Variants in MYOM1 observed in about 807,000 individuals in gnomAD.
MYOM1 encodes the protein myomesin-1.
Under a neutral mutation model 205.3 loss-of-function variants are expected in MYOM1, and 164 were observed. That is an observed-to-expected ratio of 0.80 (90% confidence interval 0.70 to 0.91). The LOEUF is 0.91. Ranked by LOEUF, MYOM1 falls within the 40% of genes least tolerant of loss-of-function variation. The pLI, the probability that MYOM1 is intolerant of heterozygous loss-of-function variation, is 0.00. For synonymous variants in MYOM1, 772 were observed against 789.4 expected (o/e 0.98, Z 0.37); for missense variants, 2,011 against 2,127.3 (o/e 0.95, Z 1.08).
Position 3,100,371 on chromosome 18 carries a change from C to T in MYOM1, c.3631G>A (p.Asp1211Asn), listed in dbSNP as rs375099753. 4.2e-5 allele frequency: 68 copies of T among 1,613,796 alleles called. No homozygotes were observed. The highest frequency in any genetic ancestry group is 5.2e-5 in the Non-Finnish European group (61 of 1,179,852). The stretch of plus-strand genomic sequence containing the variant: ...GCTATTCCATCAGTGTCTGTTACAT[C>T]GCAAGAGTAAATACCCAAGTCATCC... The part of the protein sequence containing the change: ...GMDDLGIYSC[D>N]VTDTDGIASS... The change falls in exon 24 of 38, where the codon GAT becomes AAT. Residue 1211 changes from aspartate (D) to asparagine (N), a missense_variant. Transcript: ENST00000356443.
chr18:3,120,222 G>GT (rs2079668303), intron 19 of MYOM1, among the ~76,000 whole-genome samples: 1 of 152,120 alleles, frequency 6.6e-6, no homozygotes, highest in South Asian at 2.1e-4. Context: ...CTGTGATTGT[G>GT]TCACCCCATA....
chr18:3,168,330 C>T (rs1452561100), intron 9 of MYOM1, among the ~76,000 whole-genome samples: 1 of 152,146 alleles, frequency 6.6e-6, no homozygotes, highest in East Asian at 1.9e-4. Context: ...CTCTCCGTCG[C>T]CCAGGCGGAG....
intron 2 of MYOM1, among the ~76,000 whole-genome samples, chr18:3,212,089 G>A (rs1486237662): frequency 1.3e-5 from 2 of 152,156 alleles, no homozygotes; most frequent in East Asian, 3.8e-4. Context: ...AAAAAAGAAA[G>A]ACTAAAATAC....
At chr18:3,197,741 C>A (rs540236800) in intron 2 of MYOM1, among the ~76,000 whole-genome samples, 40 of 151,732 alleles carry the variant, frequency 2.6e-4, no homozygotes, top group Non-Finnish European at 4.7e-4. Flanking sequence ...GGCATGGTGG[C>A]AGGCGCCTGT....
At chr18:3,217,300 T>C (rs1344685395) in intron 1 of MYOM1, among the ~76,000 whole-genome samples, 3 of 152,216 alleles carry the variant, frequency 2.0e-5, no homozygotes, top group Non-Finnish European at 2.9e-5. Context: ...GCACAGCTTT[T>C]GAAGTTAGAA....
At chr18:3,226,665 T>A in the MYOM1 span, among the ~76,000 whole-genome samples, 1 of 152,174 alleles carries the variant, frequency 6.6e-6, no homozygotes, top group Admixed American at 6.5e-5. This position sits in a 1 kb window ranked among gnomAD's most constrained non-coding sequence, Gnocchi z 4.6. Context: ...TCGTGTGGTA[T>A]TTACGTGTTT....
chr18:3,101,096 ATCGT>A (rs1284857318), intron 23 of MYOM1, among the ~76,000 whole-genome samples: 1 of 152,228 alleles, frequency 6.6e-6, no homozygotes, highest in Non-Finnish European at 1.5e-5. Context: ...AGAAAAAATT[ATCGT>A]TCAATTATCT....
At chr18:3,157,181 T>TG (rs1295587035) in intron 10 of MYOM1, among the ~76,000 whole-genome samples, 1 of 152,154 alleles carries the variant, frequency 6.6e-6, no homozygotes, top group Non-Finnish European at 1.5e-5. Context: ...ATGGCATAGA[T>TG]GCACGATGGC....
intron 14 of MYOM1, among the ~76,000 whole-genome samples, chr18:3,136,148 C>T (rs139186685): frequency 0.012 from 1,829 of 152,116 alleles, 14 homozygotes; most frequent in South Asian, 0.02. Context: ...CCGTGTAAGA[C>T]GTGCCTTTCG....
intron 19 of MYOM1, 148 bp from the exon 20 acceptor site, chr18:3,120,143 G>T: frequency 1.8e-6 from 2 of 1,129,408 alleles, no homozygotes; most frequent in Non-Finnish European, 2.4e-6. Context: ...AATCTCCTGG[G>T]TGTGGATGAA....
At chr18:3,182,689 C>A (rs556771460) in intron 5 of MYOM1, among the ~76,000 whole-genome samples, 5 of 152,050 alleles carry the variant, frequency 3.3e-5, no homozygotes, top group African/African-American at 1.2e-4. Context: ...TTTCATTATG[C>A]AAATAAAACA....
chr18:3,101,056 A>C (rs77876786), intron 23 of MYOM1, among the ~76,000 whole-genome samples: 3,544 of 152,326 alleles, frequency 0.023, 130 homozygotes, highest in African/African-American at 0.081. Flanking sequence ...AGATCAACCA[A>C]ACATTGAAAT....
At position 3,169,070 on chromosome 18, in the gene MYOM1, A is replaced by T. The variant is rs554016320; in HGVS notation, c.1175-89T>A. The T allele has an allele frequency of 1.0e-5, 12 of 1,144,340 alleles. No homozygotes were observed. The Admixed American group carries it at 1.4e-4, about 14-fold the overall frequency. 70.9% of individuals were successfully genotyped at this position (1,144,340 alleles called of 1,614,324 possible). On this transcript the variant is annotated intron_variant, in intron 8 of 37. Coordinates refer to ENST00000356443, the MANE Select transcript of MYOM1 (RefSeq NM_003803.4). ...ATAAGCACAGGCAGAAAGCAGTCAC[A>T]GCAAAAAAAAAATGAACAAATGAGC...
At chr18:3,162,641 C>T (rs562593011) in intron 10 of MYOM1, among the ~76,000 whole-genome samples, 22 of 152,174 alleles carry the variant, frequency 1.4e-4, no homozygotes, top group Non-Finnish European at 4.4e-5. Context: ...CAGAACACTA[C>T]CCTGGTAGCC....
At chr18:3,220,898 T>C (rs761176241), upstream of MYOM1, among the ~76,000 whole-genome samples, 1 of 152,254 alleles carries the variant, frequency 6.6e-6, no homozygotes, top group South Asian at 2.1e-4. Flanking sequence ...TTATTACTGA[T>C]ACCAATAATA....
chr18:3,112,303 C>A lies in MYOM1; in HGVS notation c.3413G>T (p.Arg1138Leu), dbSNP rs148782330. ...ATGAAAAGGTGAAAGCCCACCTGGA[C>A]GGGTCTCTGCCACAACAGGGCCAGC... Reference protein sequence around the residue: ...DLAGPVVAETRPGTKEVVVNV... With the variant: ...DLAGPVVAETLPGTKEVVVNV... The change falls in exon 22 of 38, where the codon CGT becomes CTT. Residue 1138 changes from arginine (R) to leucine (L), a missense_variant. By Grantham distance (102) the Arg-to-Leu change is moderately radical. Transcript: ENST00000356443. 1 of 1,613,066 alleles carries A rather than the reference C, an allele frequency of 6.2e-7. No homozygotes were observed. Among genetic ancestry groups the A allele is most frequent in the South Asian group, 1.1e-5 (1 of 90,976 alleles).
At chr18:3,225,202 T>G in the MYOM1 span, among the ~76,000 whole-genome samples, 1 of 151,370 alleles carries the variant, frequency 6.6e-6, no homozygotes, top group African/African-American at 2.4e-5. Context: ...TTAGCCAGGA[T>G]GGTCTCGATC....
chr18:3,190,902 G>T (rs2080895076), intron 3 of MYOM1, among the ~76,000 whole-genome samples: 1 of 152,156 alleles, frequency 6.6e-6, no homozygotes, highest in Non-Finnish European at 1.5e-5. Flanking sequence ...TACTGGATAT[G>T]TTGGCACAGC....
chr18:3,181,351 G>T (rs960021717), intron 5 of MYOM1, among the ~76,000 whole-genome samples: 4 of 152,144 alleles, frequency 2.6e-5, no homozygotes, highest in African/African-American at 9.7e-5. Context: ...GAGAGAGAGA[G>T]AGATCCCATT....
Sources: allele counts gnomAD v4.1 joint callset (sites outside exome capture counted in the v4.1 genomes callset), GRCh38; gene constraint gnomAD v4.1.1; non-coding constraint Gnocchi (gnomAD v3.1); transcripts MANE v1.5; gene names NCBI Gene and HGNC (gene_info 2026-07-23, HGNC 2026-07-21).